The following ELP4 variants were observed in gnomAD, a reference collection of about 807,000 sequenced individuals.
The protein encoded by ELP4 is elongator acetyltransferase complex subunit 4, also known as elongator complex protein 4.
In ELP4, 51 loss-of-function variants were observed where a neutral mutation model predicts 48.9. The ratio of observed to expected loss-of-function variants is 1.04; its 90% CI spans 0.83 to 1.32. The LOEUF (loss-of-function observed/expected upper bound fraction) is 1.32, where lower values mean the gene tolerates loss of function less well. Among genes scored for constraint, ELP4 ranks in the 40% most tolerant of loss-of-function variants. ELP4 has a pLI of 0.00. For synonymous variants in ELP4, 210 were observed against 189.2 expected (o/e 1.11, Z -0.90); for missense variants, 519 against 514.6 (o/e 1.01, Z -0.08).
Position 31,785,231 on chromosome 11 carries a change from A to G in ELP4, c.*1707A>G, listed in dbSNP as rs1040477710. On this transcript the variant is annotated 3_prime_UTR_variant, in exon 10 of 10. Coordinates refer to ENST00000640961, the MANE Select transcript of ELP4 (RefSeq NM_019040.5). ...TTTGAAAGCATTATGAACATTCTGA[A>G]TAAATTCAAATGAGTATTTTAGTCA... 3.3e-5 allele frequency: 6 copies of G among 183,364 alleles called. No homozygotes were observed. Among genetic ancestry groups the G allele is most frequent in the Non-Finnish European group, 7.0e-5 (6 of 86,248 alleles). 11.4% of individuals were successfully genotyped at this position (183,364 alleles called of 1,614,324 possible).
intron 9 of ELP4, among the ~76,000 whole-genome samples, chr11:31,743,702 G>A (rs1391794583): frequency 6.6e-6 from 1 of 151,920 alleles, no homozygotes; most frequent in Non-Finnish European, 1.5e-5. Flanking sequence ...CAACCAACGA[G>A]AACAAAGACA....
chr11:31,773,007 T>C (rs1014227826), intron 9 of ELP4, among the ~76,000 whole-genome samples: 4 of 152,242 alleles, frequency 2.6e-5, no homozygotes, highest in African/African-American at 9.6e-5. Context: ...TCCTTGTCTG[T>C]TATCAGCCCT....
intron 5 of ELP4, among the ~76,000 whole-genome samples, chr11:31,623,383 ATATAT>A (rs1565084262): frequency 9.4e-5 from 12 of 127,514 alleles, no homozygotes; most frequent in Admixed American, 1.6e-4. Context: ...ATATATATAT[ATATAT>A]ATAAAACTAG....
intron 9 of ELP4, among the ~76,000 whole-genome samples, chr11:31,706,268 T>C (rs556433989): frequency 1.1e-4 from 16 of 152,058 alleles, no homozygotes; most frequent in Non-Finnish European, 2.1e-4. Context: ...GAATGTTTAA[T>C]ATCTTCCTTC....
chr11:31,562,143 A>G (rs1680352768), intron 3 of ELP4, among the ~76,000 whole-genome samples: 1 of 152,194 alleles, frequency 6.6e-6, no homozygotes, highest in Non-Finnish European at 1.5e-5. Flanking sequence ...AGATTGGGAT[A>G]GAACCCAGGG....
intron 4 of ELP4, among the ~76,000 whole-genome samples, chr11:31,601,251 T>C (rs930260608): frequency 6.6e-6 from 1 of 151,156 alleles, no homozygotes; most frequent in African/African-American, 2.5e-5. Context: ...TTTCAAAATC[T>C]GATTATATGT....
intron 3 of ELP4, among the ~76,000 whole-genome samples, chr11:31,562,753 C>T (rs893477716): frequency 1.3e-5 from 2 of 152,072 alleles, no homozygotes; most frequent in South Asian, 2.1e-4. Context: ...AGTTAATTCA[C>T]TAATACTGGT....
chr11:31,566,209 A>T (rs1169515109), intron 3 of ELP4, among the ~76,000 whole-genome samples: 1 of 152,060 alleles, frequency 6.6e-6, no homozygotes, highest in Non-Finnish European at 1.5e-5. Flanking sequence ...ATACAAAAAA[A>T]TAGCTGAGTG....
chr11:31,708,287 C>T (rs1185298347), intron 9 of ELP4, among the ~76,000 whole-genome samples: 2 of 152,024 alleles, frequency 1.3e-5, no homozygotes, highest in East Asian at 1.9e-4. Flanking sequence ...CATCAGAGTT[C>T]GATTTCATCT....
chr11:31,562,588 A>G (rs1279729134), intron 3 of ELP4, among the ~76,000 whole-genome samples: 2 of 152,182 alleles, frequency 1.3e-5, no homozygotes, highest in Admixed American at 1.3e-4. Flanking sequence ...AAATGTATTA[A>G]AACAATATTT....
intron 9 of ELP4, among the ~76,000 whole-genome samples, chr11:31,705,319 G>T (rs1202018143): frequency 1.3e-5 from 2 of 152,144 alleles, no homozygotes; most frequent in South Asian, 2.1e-4. Context: ...CCATCATGGG[G>T]CCCCACCCTG....
intron 3 of ELP4, among the ~76,000 whole-genome samples, chr11:31,553,619 C>T (rs1455765614): frequency 6.6e-6 from 1 of 152,014 alleles, no homozygotes; most frequent in Non-Finnish European, 1.5e-5. Context: ...ACACTATTAA[C>T]TGTCCGAGGT....
chr11:31,562,353 ATCC>A (rs1217178089), intron 3 of ELP4, among the ~76,000 whole-genome samples: 14 of 151,968 alleles, frequency 9.2e-5, no homozygotes, highest in African/African-American at 2.7e-4. Flanking sequence ...TTTTCATGTT[ATCC>A]TCCTCATTTG....
intron 2 of ELP4, among the ~76,000 whole-genome samples, chr11:31,533,368 C>CTTTTTTTGTTTTTTTTTT (rs1956434106): frequency 2.0e-5 from 1 of 50,460 alleles, no homozygotes; most frequent in Non-Finnish European, 3.3e-5. Flanking sequence ...CCATCTCATT[C>CTTTTTTTGTTTTTTTTTT]TTTTTTTTTT....
chr11:31,633,588 T>A (rs1263012619), intron 7 of ELP4: 1 of 152,024 alleles, frequency 6.6e-6, no homozygotes, highest in Non-Finnish European at 1.5e-5. Context: ...AGACATATCA[T>A]AAGGAAACTC....
At chr11:31,546,950 A>G (rs916836852) in intron 3 of ELP4, among the ~76,000 whole-genome samples, 2 of 152,220 alleles carry the variant, frequency 1.3e-5, no homozygotes, top group Non-Finnish European at 2.9e-5. Context: ...GAACAAAGAC[A>G]CAACGTACCA....
chr11:31,677,314 G>A (rs895402365), intron 9 of ELP4, among the ~76,000 whole-genome samples: 9 of 152,198 alleles, frequency 5.9e-5, no homozygotes, highest in African/African-American at 2.2e-4. Context: ...TCCAGGGTGG[G>A]TGAGAGCTAT....
At chr11:31,704,533 T>C (rs944484848) in intron 9 of ELP4, among the ~76,000 whole-genome samples, 1 of 151,916 alleles carries the variant, frequency 6.6e-6, no homozygotes, top group Non-Finnish European at 1.5e-5. Context: ...ATATACCCAA[T>C]GTAAATGACG....
chr11:31,595,977 A>C (rs1274539076), intron 4 of ELP4, among the ~76,000 whole-genome samples: 1 of 152,172 alleles, frequency 6.6e-6, no homozygotes, highest in Admixed American at 6.5e-5. Flanking sequence ...TATTTCTTTT[A>C]GTAATGCTTT....
Sources: gnomAD v4.1 joint callset for allele counts (sites outside exome capture counted in the v4.1 genomes callset) on GRCh38, gnomAD v4.1.1 for gene constraint, MANE v1.5 for transcripts, NCBI Gene and HGNC (gene_info 2026-07-23, HGNC 2026-07-21) for gene names.